The following TFEC variants were observed in gnomAD, a reference collection of about 807,000 sequenced individuals.
TFEC encodes class E basic helix-loop-helix protein 34.
In TFEC, 31 loss-of-function variants were observed where a neutral mutation model predicts 41.6. The observed-to-expected ratio is 0.74, with a 90% CI of 0.56 to 1.01. The LOEUF is 1.01. TFEC is among the 50% of genes least tolerant of loss of function. The pLI is 0.00. For missense variants in TFEC, 402 were observed against 404.1 expected, an observed-to-expected ratio of 0.99 and a Z score of 0.04; for synonymous variants, 143 against 140.6, an observed-to-expected ratio of 1.02 and a Z score of -0.12.
At chr7:115,951,042 T>TG (rs1170592230) in intron 5 of TFEC, 93 bp from the exon 6 acceptor site, 5 of 670,596 alleles carry the variant, frequency 7.5e-6, no homozygotes, top group Non-Finnish European at 9.1e-6. Context: ...TTAAAAACAA[T>TG]GGGAAAAAAA....
intron 1 of TFEC, among the ~76,000 whole-genome samples, chr7:116,142,408 A>G (rs1798559663): frequency 6.6e-6 from 1 of 152,132 alleles, no homozygotes; most frequent in Non-Finnish European, 1.5e-5. Context: ...TTCAGAATGT[A>G]CTCCCACATA....
At chr7:116,073,170 C>A (rs1554631) in intron 3 of TFEC, among the ~76,000 whole-genome samples, 78,640 of 151,098 alleles carry the variant, frequency 0.52, 21,427 homozygotes, top group East Asian at 0.8. Flanking sequence ...ATAAACAAAA[C>A]TAATAAATTT....
At chr7:115,945,179 A>C (rs1254886207) in intron 6 of TFEC, among the ~76,000 whole-genome samples, 2 of 148,584 alleles carry the variant, frequency 1.3e-5, no homozygotes, top group Non-Finnish European at 3.0e-5. Flanking sequence ...TAATTTCCTC[A>C]TTGTCATAAC....
chr7:115,943,758 G>A lies in TFEC; in HGVS notation c.516-1718C>T, dbSNP rs1014552537. Reference sequence around the variant, plus strand: ...GGCTAAAGAATGAATGTTGATAGTTGATGCTGGCCCTTCATTTTCTGCACA... The same window carrying A: ...GGCTAAAGAATGAATGTTGATAGTTAATGCTGGCCCTTCATTTTCTGCACA... On this transcript the variant is annotated intron_variant, in intron 6 of 7. Coordinates refer to ENST00000265440, the MANE Select transcript of TFEC (RefSeq NM_012252.4). Among the ~76,000 whole-genome samples, 6 of 151,672 alleles carry A rather than the reference G, an allele frequency of 4.0e-5. No homozygotes were observed. The East Asian group carries it at 1.2e-3, about 30-fold the overall frequency.
At chr7:116,049,370 GA>G (rs1796252502) in intron 3 of TFEC, among the ~76,000 whole-genome samples, 1 of 152,106 alleles carries the variant, frequency 6.6e-6, no homozygotes, top group Non-Finnish European at 1.5e-5. Context: ...ACAAAGATCA[GA>G]AGAGACAAAG....
chr7:116,099,430 C>T (rs550856247), intron 3 of TFEC, among the ~76,000 whole-genome samples: 1 of 152,290 alleles, frequency 6.6e-6, no homozygotes, highest in Non-Finnish European at 1.5e-5. Context: ...CTCCATTATG[C>T]AGTCTTCTCC....
chr7:115,938,781 T>A lies in TFEC; in HGVS notation c.*1770A>T, dbSNP rs931659752. The A allele has an allele frequency of 6.6e-6, 1 of 151,892 alleles. No individual in the cohort carries two copies. Among genetic ancestry groups the A allele is most frequent in the Non-Finnish European group, 1.5e-5 (1 of 67,904 alleles). The allele number at this position is 151,892 out of a possible 1,614,324, so 9.4% of individuals were successfully genotyped here. A position where few individuals can be genotyped will look rare whatever the true frequency, so the allele number is the denominator to read the frequency against. ...GTAATATATATTTTAGTTTTTAGCA[T>A]CCTCCCTGCTACTAAAAAGATTTGT... On this transcript the variant is annotated 3_prime_UTR_variant, in exon 8 of 8. Coordinates refer to ENST00000265440, the MANE Select transcript of TFEC (RefSeq NM_012252.4).
intron 3 of TFEC, chr7:116,110,684 C>T: frequency 7.7e-7 from 1 of 1,300,132 alleles, no homozygotes; most frequent in Non-Finnish European, 9.9e-7. Flanking sequence ...GAAATTACGG[C>T]TGTATATGTA....
chr7:115,984,413 G>T lies in TFEC; in HGVS notation c.29C>A (p.Pro10Gln). Reference sequence around the variant, plus strand: ...TGCAGGTTGTGACCATTTAAGAGTTGGATTGATGATCTGATGATCAAGGGT... The same window carrying T: ...TGCAGGTTGTGACCATTTAAGAGTTTGATTGATGATCTGATGATCAAGGGT... MTLDHQIIN[P>Q]TLKWSQPAVP... is the part of the protein sequence containing the mutation. Residue 10 changes from proline to glutamine, a missense_variant, in exon 2 of 8, where the codon CCA becomes CAA. By Grantham distance (76) the Pro-to-Gln change is moderately conservative. Coordinates refer to ENST00000265440, the MANE Select transcript of TFEC (RefSeq NM_012252.4). 1.2e-6 allele frequency: 2 copies of T among 1,614,082 alleles called. No homozygotes were observed. The highest frequency in any genetic ancestry group is 1.7e-6 in the Non-Finnish European group (2 of 1,179,984).
chr7:115,961,873 T>C (rs1229673373), intron 3 of TFEC, among the ~76,000 whole-genome samples: 3 of 151,674 alleles, frequency 2.0e-5, no homozygotes, highest in Admixed American at 6.6e-5. Context: ...AATGAAATGA[T>C]CTCTGCTAAC....
chr7:116,009,254 A>T (rs1478591679), intron 1 of TFEC, among the ~76,000 whole-genome samples: 1 of 152,272 alleles, frequency 6.6e-6, no homozygotes, highest in East Asian at 1.9e-4. Flanking sequence ...AAGTATGAGT[A>T]ATTTTTTAAG....
chr7:116,114,591 G>A (rs1217918404), intron 1 of TFEC, among the ~76,000 whole-genome samples: 1 of 151,922 alleles, frequency 6.6e-6, no homozygotes, highest in Non-Finnish European at 1.5e-5. Flanking sequence ...GAGACAGAGA[G>A]TTTCTGCACA....
At chr7:116,156,903 T>C (rs1798880737) in intron 1 of TFEC, among the ~76,000 whole-genome samples, 1 of 152,206 alleles carries the variant, frequency 6.6e-6, no homozygotes, top group Non-Finnish European at 1.5e-5. Context: ...ATATACATTT[T>C]ATACTATATG....
rs543808792 is a variant in TFEC, at chr7:115,999,129, T to C, written c.-72-14616A>G. 5.9e-5 allele frequency among the ~76,000 whole-genome samples: 9 copies of C among 152,070 alleles called. No individual in the cohort carries two copies. In the East Asian group the frequency reaches 1.3e-3, roughly 23 times the overall value. On this transcript the variant is annotated intron_variant, in intron 1 of 7. Transcript: ENST00000265440. ...TTAAAAATTTTAAAAATATTGATAT[T>C]ATGTCAAGTATTTTCTCTGACCACA...
chr7:115,974,013 C>CT (rs1002968280), intron 3 of TFEC, among the ~76,000 whole-genome samples, 157 bp downstream of exon 3: 1 of 151,892 alleles, frequency 6.6e-6, no homozygotes, highest in African/African-American at 2.4e-5. Context: ...ATTAGATAAC[C>CT]TTTTTTTCTG....
At chr7:115,996,188 T>C (rs987638202) in intron 1 of TFEC, among the ~76,000 whole-genome samples, 5 of 151,960 alleles carry the variant, frequency 3.3e-5, no homozygotes, top group African/African-American at 1.2e-4. Context: ...TCCTTATGCT[T>C]GAGGAGGGGA....
chr7:115,972,408 G>T (rs942282783), intron 3 of TFEC, among the ~76,000 whole-genome samples: 4 of 152,040 alleles, frequency 2.6e-5, no homozygotes, highest in African/African-American at 7.2e-5. Flanking sequence ...GGCAGGTTAC[G>T]TGATTTGCAC....
intron 2 of TFEC, among the ~76,000 whole-genome samples, chr7:115,975,153 T>C (rs777689773): frequency 3.3e-5 from 5 of 152,054 alleles, no homozygotes; most frequent in Non-Finnish European, 7.4e-5. Flanking sequence ...ATAGAAACTT[T>C]CCTTCCCTTC....
chr7:116,043,678 A>C (rs1796092449), intron 3 of TFEC, among the ~76,000 whole-genome samples: 1 of 152,210 alleles, frequency 6.6e-6, no homozygotes, highest in Non-Finnish European at 1.5e-5. Flanking sequence ...AATAACAGGA[A>C]GAAAAGGAAA....
Sources: allele counts gnomAD v4.1 joint callset (sites outside exome capture counted in the v4.1 genomes callset), GRCh38; gene constraint gnomAD v4.1.1; transcripts MANE v1.5; gene names NCBI Gene and HGNC (gene_info 2026-07-23, HGNC 2026-07-21).